ACY1: variants seen among roughly 807,000 people sequenced by gnomAD.
ACY1 encodes the protein aminoacylase-1.
Under a neutral mutation model 53.3 loss-of-function variants are expected in ACY1, and 38 were observed. That is an observed-to-expected ratio of 0.71 (90% CI 0.55 to 0.93). The LOEUF (loss-of-function observed/expected upper bound fraction) is 0.93. ACY1 is among the 40% of genes least tolerant of loss of function. The pLI is 0.00. For synonymous variants in ACY1, 177 were observed against 202.1 expected (o/e 0.88, Z 1.05); for missense variants, 484 against 540.9 (o/e 0.89, Z 1.04).
In ACY1 at chr3:51,985,247, G is replaced by C. The variant is rs199711070; in HGVS notation, c.135G>C (p.Leu45=). The change falls in exon 3 of 15, where the codon CTG becomes CTC. Residue 45 remains leucine (L), a synonymous_variant. Coordinates refer to ENST00000636358, the MANE Select transcript of ACY1 (RefSeq NM_000666.3). ...TCTTTGAGGAGACAGCCCGCCAGCT[G>C]GGCCTGGGCTGTCAGAAAGTAGAGG... ...VAFFEETARQ[L]GLGCQKVEVA... The C allele has an allele frequency of 2.1e-4, 333 of 1,609,136 alleles. 4 individuals are homozygous for C. In the East Asian group the frequency reaches 6.5e-3, roughly 31 times the overall value.
chr3:51,987,840 T>C, intron 12 of ACY1: 1 of 577,376 alleles, frequency 1.7e-6, no homozygotes. Context: ...TGCCCTTGTA[T>C]GGTGAAACGG....
Position 51,988,380 on chromosome 3 carries a change from G to A in ACY1, c.922-144G>A, listed in dbSNP as rs936760560. The A allele has an allele frequency of 9.3e-6, 7 of 753,858 alleles. No homozygotes were observed. The African/African-American group carries it at 1.0e-4, about 11-fold the overall frequency. The allele number at this position is 753,858 out of a possible 1,614,324, so 46.7% of individuals were successfully genotyped here. A position where few individuals can be genotyped will look rare whatever the true frequency, so the allele number is the denominator to read the frequency against. On this transcript the variant is annotated intron_variant, in intron 12 of 14. Coordinates refer to ENST00000636358, the MANE Select transcript of ACY1 (RefSeq NM_000666.3). ...TTTGAGGGGCTGAAAGAGGACCTGTGGCTGGACTGGCTACCCAGATGTCTG... is the reference window on the plus strand; with the variant it reads ...TTTGAGGGGCTGAAAGAGGACCTGTAGCTGGACTGGCTACCCAGATGTCTG...
At chr3:51,986,091 G>A in intron 5 of ACY1, 145 bp downstream of exon 5, 1 of 1,073,662 alleles carries the variant, frequency 9.3e-7, no homozygotes, top group Non-Finnish European at 1.4e-6. Context: ...ACCATTGCAT[G>A]GATAGGGAGA....
Position 51,987,177 on chromosome 3 carries a change from C to A in ACY1, c.688C>A (p.Arg230=), listed in dbSNP as rs781344834. Residue 230 remains arginine, a synonymous_variant, in exon 10 of 15, where the codon CGG becomes AGG. Transcript: ENST00000636358. ...HKVVNSILAF[R]EKEWQRLQSN... ...GGTTGTAAACTCCATCCTGGCATTCCGGGAGAAGGAATGGCAGAGGTGAGG... is the reference window on the plus strand; with the variant it reads ...GGTTGTAAACTCCATCCTGGCATTCAGGGAGAAGGAATGGCAGAGGTGAGG... 2.5e-6 allele frequency: 4 copies of A among 1,613,996 alleles called. No homozygotes were observed. Among genetic ancestry groups the A allele is most frequent in the Admixed American group, 1.7e-5 (1 of 60,004 alleles).
chr3:51,986,355 G>A, intron 6 of ACY1, 24 bp downstream of exon 6: 4 of 1,594,012 alleles, frequency 2.5e-6, no homozygotes, highest in Non-Finnish European at 3.4e-6. Context: ...AGATACCTTT[G>A]GGAAAGGGGA....
At position 51,986,437 on chromosome 3, in the gene ACY1, A is replaced by C; in HGVS notation, c.459A>C (p.Gln153His). ...FVPDEEVGGH[Q>H]GMELFVQRPE... is the part of the protein sequence containing the mutation. ...CAGATGAGGAGGTTGGGGGTCACCAAGGCATGGAGCTGTTCGTGCAGCGGC... is the reference window on the plus strand; with the variant it reads ...CAGATGAGGAGGTTGGGGGTCACCACGGCATGGAGCTGTTCGTGCAGCGGC... The change falls in exon 7 of 15, where the codon CAA (glutamine) becomes CAC (histidine). Residue 153 changes from glutamine (Q) to histidine (H), a missense_variant. By Grantham distance (24) the Gln-to-His change is conservative. Transcript: ENST00000636358. 1 of 1,612,594 alleles carries C rather than the reference A, an allele frequency of 6.2e-7. No individual in the cohort carries two copies. The highest frequency in any genetic ancestry group is 1.1e-5 in the South Asian group (1 of 90,900).
chr3:51,983,984 T>C (rs1400325768), intron 1 of ACY1, 63 bp from the exon 2 acceptor site: 1 of 1,232,798 alleles, frequency 8.1e-7, no homozygotes, highest in Non-Finnish European at 1.2e-6. Flanking sequence ...GGACAGGCTG[T>C]GTGCAGGAGC....
At position 51,988,510 on chromosome 3, in the gene ACY1, T is replaced by A. The variant is rs1425781827; in HGVS notation, c.922-14T>A. ...GGCCCATGTCCTGATCCTGCCATTCTTCCTGTCCCTCAGAAGTGGATGCAC... is the reference window on the plus strand; with the variant it reads ...GGCCCATGTCCTGATCCTGCCATTCATCCTGTCCCTCAGAAGTGGATGCAC... On this transcript the variant is annotated splice_polypyrimidine_tract_variant and intron_variant, in intron 12 of 14. Coordinates refer to ENST00000636358, the MANE Select transcript of ACY1 (RefSeq NM_000666.3). 6.2e-7 allele frequency: 1 copy of A among 1,613,464 alleles called. No homozygotes were observed. The highest frequency in any genetic ancestry group is 1.1e-5 in the South Asian group (1 of 91,072).
chr3:51,984,851 A>T (rs1701002535), intron 2 of ACY1: 1 of 303,666 alleles, frequency 3.3e-6, no homozygotes. Context: ...AAAAAAAAAA[A>T]ACTTAGTGGC....
intron 12 of ACY1, chr3:51,988,165 C>A: frequency 5.1e-6 from 2 of 391,288 alleles, no homozygotes; most frequent in Non-Finnish European, 4.8e-6. Context: ...TGCGCCCAGC[C>A]GTACTTTCAT....
chr3:51,985,659 G>C (rs537063139), intron 4 of ACY1, among the ~76,000 whole-genome samples, 193 bp from the exon 5 acceptor site: 2 of 152,212 alleles, frequency 1.3e-5, no homozygotes, highest in East Asian at 1.9e-4. Context: ...GGTGGGGACT[G>C]GGGGGTGGGA....
At chr3:51,988,325 G>A (rs756847715) in intron 12 of ACY1, 199 bp from the exon 13 acceptor site, 37 of 650,690 alleles carry the variant, frequency 5.7e-5, no homozygotes, top group African/African-American at 8.9e-5. Flanking sequence ...GTAAGTAGAC[G>A]GAGGGTGGGA....
chr3:51,985,739 T>C, intron 4 of ACY1, 113 bp from the exon 5 acceptor site: 1 of 946,742 alleles, frequency 1.1e-6, no homozygotes, highest in Non-Finnish European at 1.7e-6. Flanking sequence ...CTCCCACCAC[T>C]CCACCTGTCA....
At chr3:51,985,543 G>A in intron 4 of ACY1, 78 bp downstream of exon 4, 1 of 1,406,256 alleles carries the variant, frequency 7.1e-7, no homozygotes, top group Non-Finnish European at 1.0e-6. Context: ...TCAACCTCAA[G>A]TTGCTCATGG....
rs528196954 is a variant in ACY1 at position 51,985,307 on chromosome 3, G to C, written c.159+36G>C. 1.1e-3 allele frequency: 1,798 copies of C among 1,613,484 alleles called. 38 individuals carry two copies. In the South Asian group the frequency reaches 0.016, roughly 15 times the overall value. ...GGCCCTAAGCGGGGAAGGGAGGTGG[G>C]CCTGGGCACTTCCTCACCCTGCTCA... On this transcript the variant is annotated intron_variant, in intron 3 of 14. Coordinates refer to ENST00000636358, the MANE Select transcript of ACY1 (RefSeq NM_000666.3).
chr3:51,984,091 G>A lies in ACY1; in HGVS notation c.27G>A (p.Glu9=), dbSNP rs1332582156. MTSKGPEE[E]HPSVTLFRQY... ...TGACCAGCAAGGGTCCCGAGGAGGAGCACCCATCGGTGACGCTCTTCCGCC... is the reference window on the plus strand; with the variant it reads ...TGACCAGCAAGGGTCCCGAGGAGGAACACCCATCGGTGACGCTCTTCCGCC... The change falls in exon 2 of 15, where the codon GAG becomes GAA. Residue 9 remains glutamate (E), a synonymous_variant. Coordinates refer to ENST00000636358, the MANE Select transcript of ACY1 (RefSeq NM_000666.3). 1.2e-6 allele frequency: 2 copies of A among 1,613,588 alleles called. No individual in the cohort carries two copies. The highest frequency in any genetic ancestry group is 1.7e-6 in the Non-Finnish European group (2 of 1,179,976).
Position 51,988,956 on chromosome 3 carries a change from G to C in ACY1, c.1108G>C (p.Val370Leu). The C allele has an allele frequency of 1.2e-6, 2 of 1,614,210 alleles. No homozygotes were observed. The highest frequency in any genetic ancestry group is 1.7e-6 in the Non-Finnish European group (2 of 1,180,044). The part of the protein sequence containing the change: ...LGFSPMNRTP[V>L]LLHDHDERLH... ...CTTCTCACCCATGAACCGCACACCT[G>C]TGCTGCTGCACGACCACGATGAACG... is the stretch of plus-strand genomic sequence containing the variant. Residue 370 changes from valine to leucine, a missense_variant, in exon 15 of 15, where the codon GTG (valine) becomes CTG (leucine). Coordinates refer to ENST00000636358, the MANE Select transcript of ACY1 (RefSeq NM_000666.3).
intron 8 of ACY1, 64 bp from the exon 9 acceptor site, chr3:51,986,924 C>A: frequency 6.4e-7 from 1 of 1,563,138 alleles, no homozygotes. Flanking sequence ...TGGGCCCACC[C>A]CAGGCTGATT....
At chr3:51,985,133 A>G in intron 2 of ACY1, 74 bp from the exon 3 acceptor site, 1 of 1,494,326 alleles carries the variant, frequency 6.7e-7, no homozygotes, top group South Asian at 1.2e-5. Context: ...GGTATGCTCC[A>G]CTCTCCGGGC....
Sources: allele counts gnomAD v4.1 joint callset (sites outside exome capture counted in the v4.1 genomes callset), GRCh38; gene constraint gnomAD v4.1.1; transcripts MANE v1.5; gene names NCBI Gene and HGNC (gene_info 2026-07-23, HGNC 2026-07-21).